The following TSHZ2 variants were observed in gnomAD, a reference collection of about 807,000 sequenced individuals.
TSHZ2 encodes teashirt zinc finger homeobox 2.
In TSHZ2, 21 loss-of-function variants were observed where a neutral mutation model predicts 74.4. The observed-to-expected ratio is 0.28, with a 90% confidence interval of 0.20 to 0.41. The LOEUF (loss-of-function observed/expected upper bound fraction) is 0.41, where lower values mean the gene tolerates loss of function less well. Ranked by LOEUF, TSHZ2 falls within the 10% of genes least tolerant of loss-of-function variation. TSHZ2 has a pLI of 1.00. For synonymous variants in TSHZ2, 540 were observed against 515.3 expected (o/e 1.05, Z -0.65); for missense variants, 1,244 against 1,293.5 (o/e 0.96, Z 0.59).
intron 2 of TSHZ2, among the ~76,000 whole-genome samples, chr20:53,368,631 A>G (rs561968894): frequency 7.9e-5 from 12 of 152,158 alleles, no homozygotes; most frequent in Non-Finnish European, 1.3e-4. Context: ...TTTTTATCAC[A>G]TGATGTTATC....
chr20:52,978,086 A>G (rs1215081680), intron 1 of TSHZ2, among the ~76,000 whole-genome samples: 1 of 152,166 alleles, frequency 6.6e-6, no homozygotes, highest in Non-Finnish European at 1.5e-5. Flanking sequence ...ATAGTCTCCA[A>G]CGGACGTTTA....
rs369300358 is a variant in TSHZ2 at position 53,320,115 on chromosome 20, C to T, written c.*8+63544C>T. Among the ~76,000 whole-genome samples, 97 of 152,314 alleles carry T rather than the reference C, an allele frequency of 6.4e-4. No homozygotes were observed. The South Asian group carries it at 0.01, about 16-fold the overall frequency. On this transcript the variant is annotated intron_variant, in intron 2 of 2. Coordinates refer to ENST00000371497, the MANE Select transcript of TSHZ2 (RefSeq NM_173485.6). ...ACACTGCCATCATCATCATTATCAT[C>T]GTTACGGTCATTATCTTCATTGTGA...
intron 2 of TSHZ2, among the ~76,000 whole-genome samples, chr20:53,312,370 T>G (rs1005586259): frequency 5.9e-5 from 9 of 152,176 alleles, no homozygotes; most frequent in Admixed American, 5.2e-4. Flanking sequence ...ATGTCTGTCT[T>G]TTGACGATAT....
At chr20:53,326,578 C>T (rs546500901) in intron 2 of TSHZ2, among the ~76,000 whole-genome samples, 25 of 152,298 alleles carry the variant, frequency 1.6e-4, no homozygotes, top group African/African-American at 5.3e-4. Flanking sequence ...AAAGCCCCCC[C>T]GGCAACCACC....
chr20:53,037,566 C>A (rs1178961492), intron 1 of TSHZ2, among the ~76,000 whole-genome samples: 2 of 152,172 alleles, frequency 1.3e-5, no homozygotes, highest in Non-Finnish European at 2.9e-5. Context: ...CTATGTTCTT[C>A]CCAGGCTTGG....
intron 2 of TSHZ2, among the ~76,000 whole-genome samples, chr20:53,384,502 T>G (rs1040885360): frequency 5.9e-5 from 9 of 152,236 alleles, no homozygotes; most frequent in Non-Finnish European, 1.0e-4. Flanking sequence ...TGACGAGCTG[T>G]GTCTGTGACT....
At chr20:53,073,327 T>G (rs547726814) in intron 1 of TSHZ2, among the ~76,000 whole-genome samples, 2 of 151,130 alleles carry the variant, frequency 1.3e-5, no homozygotes, top group Admixed American at 1.3e-4. Flanking sequence ...CATCCCTTAA[T>G]CCATTCATCC....
At chr20:53,269,170 A>G (rs1423903767) in intron 2 of TSHZ2, among the ~76,000 whole-genome samples, 3 of 152,028 alleles carry the variant, frequency 2.0e-5, no homozygotes, top group Non-Finnish European at 2.9e-5. Flanking sequence ...ACACACAGCA[A>G]GTGCCTGAGG....
chr20:53,154,854 A>T (rs1028654173), intron 1 of TSHZ2, among the ~76,000 whole-genome samples: 1 of 152,188 alleles, frequency 6.6e-6, no homozygotes, highest in African/African-American at 2.4e-5. Flanking sequence ...TCAGCAACCA[A>T]AAACTATCCT....
At chr20:53,181,598 A>G (rs556087082) in intron 1 of TSHZ2, among the ~76,000 whole-genome samples, 15 of 152,298 alleles carry the variant, frequency 9.8e-5, no homozygotes, top group Middle Eastern at 6.8e-3. Flanking sequence ...TTAGAAATTA[A>G]CAACTGTGGG....
At chr20:53,093,292 T>C (rs574592928) in intron 1 of TSHZ2, among the ~76,000 whole-genome samples, 2 of 152,362 alleles carry the variant, frequency 1.3e-5, no homozygotes, top group African/African-American at 4.8e-5. Context: ...TGTGTTGCCG[T>C]GGCTGCTGGG....
chr20:52,989,510 A>G (rs1430095408), intron 1 of TSHZ2, among the ~76,000 whole-genome samples: 1 of 152,226 alleles, frequency 6.6e-6, no homozygotes, highest in Non-Finnish European at 1.5e-5. Context: ...CTTTACAAAT[A>G]GTTAAGGACT....
intron 1 of TSHZ2, among the ~76,000 whole-genome samples, chr20:53,019,691 C>T (rs1192020282): frequency 6.6e-6 from 1 of 152,116 alleles, no homozygotes; most frequent in African/African-American, 2.4e-5. Flanking sequence ...GGGCAAGTTG[C>T]CTACTTCCTC....
intron 2 of TSHZ2, among the ~76,000 whole-genome samples, chr20:53,480,004 G>A (rs945441682): frequency 6.6e-6 from 1 of 151,940 alleles, no homozygotes; most frequent in African/African-American, 2.4e-5. Flanking sequence ...TTGGGAGGAC[G>A]AGGCGGGAGG....
At chr20:53,428,572 T>C (rs1401495171) in intron 2 of TSHZ2, among the ~76,000 whole-genome samples, 1 of 152,224 alleles carries the variant, frequency 6.6e-6, no homozygotes, top group South Asian at 2.1e-4. Context: ...CCAATCATTG[T>C]TGAAGGATGA....
intron 2 of TSHZ2, among the ~76,000 whole-genome samples, chr20:53,415,739 A>G (rs1382845015): frequency 5.3e-4 from 1 of 1,884 alleles, no homozygotes; most frequent in African/African-American, 2.1e-3. Flanking sequence ...GCCTGTGTGT[A>G]TATATGTGTA....
At chr20:53,211,721 A>G (rs773326986) in intron 1 of TSHZ2, among the ~76,000 whole-genome samples, 12 of 152,158 alleles carry the variant, frequency 7.9e-5, no homozygotes, top group Non-Finnish European at 8.8e-5. Flanking sequence ...GTCTAAAACA[A>G]TAATAAAGAA....
At chr20:53,361,204 G>A (rs1462279198) in intron 2 of TSHZ2, among the ~76,000 whole-genome samples, 3 of 152,220 alleles carry the variant, frequency 2.0e-5, no homozygotes, top group African/African-American at 4.8e-5. Flanking sequence ...CCCCAGTGAT[G>A]AGCAAACTCC....
chr20:53,055,642 T>G (rs193012240), intron 1 of TSHZ2, among the ~76,000 whole-genome samples: 42 of 152,322 alleles, frequency 2.8e-4, no homozygotes, highest in Admixed American at 1.4e-3. Flanking sequence ...AACATTTTTT[T>G]CAGTTGATAT....
Sources: gnomAD v4.1 joint callset for allele counts (sites outside exome capture counted in the v4.1 genomes callset) on GRCh38, gnomAD v4.1.1 for gene constraint, MANE v1.5 for transcripts, NCBI Gene and HGNC (gene_info 2026-07-23, HGNC 2026-07-21) for gene names.